Variants in HLF observed in about 807,000 individuals in gnomAD.
The protein encoded by HLF is HLF transcription factor, PAR bZIP family member.
A neutral mutation model predicts 22.6 loss-of-function variants in HLF; 3 were observed. The observed-to-expected ratio is 0.13, with a 90% confidence interval of 0.06 to 0.34. HLF has a LOEUF of 0.34. Among genes scored for constraint, HLF ranks in the 10% least tolerant of loss-of-function variants. The pLI is 1.00. For missense variants in HLF, 299 were observed against 389.2 expected (o/e 0.77, Z 1.95); for synonymous variants, 151 against 151.8 (o/e 0.99, Z 0.04).
intron 2 of HLF, among the ~76,000 whole-genome samples, chr17:55,308,602 C>G (rs1236384827): frequency 1.3e-5 from 2 of 152,292 alleles, no homozygotes; most frequent in African/African-American, 4.8e-5. Flanking sequence ...TTATAACATA[C>G]AGGTGACAGA....
intron 2 of HLF, among the ~76,000 whole-genome samples, chr17:55,307,082 C>T (rs1904609260): frequency 6.6e-6 from 1 of 150,678 alleles, no homozygotes; most frequent in Non-Finnish European, 1.5e-5. Context: ...TTCCTCATCC[C>T]ATTTCCTCCC....
Position 55,324,656 on chromosome 17 carries a change from CCCCA to C in HLF, c.*3779_*3782del. On this transcript the variant is annotated 3_prime_UTR_variant, in exon 4 of 4. Coordinates refer to ENST00000226067, the MANE Select transcript of HLF (RefSeq NM_002126.5). ...GCGATCACCTTCTGCTCCTAGGTAC[CCCCA>C]CTGGCAAGGCCAAGGTCTCCTCCAC... The C allele has an allele frequency of 4.3e-6, 1 of 232,690 alleles. No individual in the cohort carries two copies. Among genetic ancestry groups the C allele is most frequent in the Non-Finnish European group, 8.5e-6 (1 of 117,706 alleles). 14.4% of individuals were successfully genotyped at this position (232,690 alleles called of 1,614,324 possible).
At chr17:55,293,815 A>C (rs2081087911) in intron 2 of HLF, among the ~76,000 whole-genome samples, 1 of 152,154 alleles carries the variant, frequency 6.6e-6, no homozygotes, top group Admixed American at 6.5e-5. Flanking sequence ...AGAATGTCTA[A>C]AATCATCAGA....
intron 2 of HLF, among the ~76,000 whole-genome samples, chr17:55,275,370 A>G (rs576730844): frequency 3.3e-5 from 5 of 152,368 alleles, no homozygotes; most frequent in Non-Finnish European, 7.3e-5. Context: ...TGCTGGGATT[A>G]CAGGTGGAAA....
chr17:55,299,717 A>G (rs181563204), intron 2 of HLF, among the ~76,000 whole-genome samples: 1 of 151,096 alleles, frequency 6.6e-6, no homozygotes, highest in Non-Finnish European at 1.5e-5. Flanking sequence ...TAGGACTACA[A>G]GCACGTGCCA....
In HLF at chr17:55,324,663, G is replaced by A. The variant is rs1905390636; in HGVS notation, c.*3784G>A. ...CCTTCTGCTCCTAGGTACCCCCACT[G>A]GCAAGGCCAAGGTCTCCTCCACGTT... On this transcript the variant is annotated 3_prime_UTR_variant, in exon 4 of 4. Transcript: ENST00000226067. The A allele has an allele frequency of 4.3e-6, 1 of 232,710 alleles. No individual in the cohort carries two copies. The highest frequency in any genetic ancestry group is 8.5e-6 in the Non-Finnish European group (1 of 117,744). 14.4% of individuals were successfully genotyped at this position (232,710 alleles called of 1,614,324 possible).
At chr17:55,276,252 A>G (rs1395801236) in intron 2 of HLF, among the ~76,000 whole-genome samples, 1 of 152,224 alleles carries the variant, frequency 6.6e-6, no homozygotes, top group African/African-American at 2.4e-5. Flanking sequence ...CAAGAGTACA[A>G]TTTGGCTGCT....
chr17:55,273,479 T>C (rs2080876369), intron 2 of HLF: 1 of 152,248 alleles, frequency 6.6e-6, no homozygotes, highest in Non-Finnish European at 1.5e-5. Flanking sequence ...TTCATGCATT[T>C]TTTTTCTTTC....
chr17:55,315,331 A>T lies in HLF; in HGVS notation c.556A>T (p.Ser186Cys), dbSNP rs1905022419. ...AGACCCAGCAGATCTTGCCCTTTCC[A>T]GCATCCCTGGCCAGGAAATGTTTGA... ...EPDPADLALSSIPGQEMFDPR... is the reference protein window; with the variant it reads ...EPDPADLALSCIPGQEMFDPR... The change falls in exon 3 of 4, where the codon AGC (serine) becomes TGC (cysteine). Residue 186 changes from serine to cysteine, a missense_variant. Around this residue, in one of 3 missense-constraint regions of HLF, gnomAD observed 224 missense variants for 298.1 expected, o/e 0.75. Coordinates refer to ENST00000226067, the MANE Select transcript of HLF (RefSeq NM_002126.5). 6.2e-7 allele frequency: 1 copy of T among 1,614,032 alleles called. No individual in the cohort carries two copies. Among genetic ancestry groups the T allele is most frequent in the Non-Finnish European group, 8.5e-7 (1 of 1,180,020 alleles).
intron 2 of HLF, among the ~76,000 whole-genome samples, chr17:55,311,705 T>C (rs1210525693): frequency 6.6e-6 from 1 of 152,172 alleles, no homozygotes; most frequent in Middle Eastern, 3.2e-3. Flanking sequence ...AGTGGGTACA[T>C]GTGCAGGTTT....
chr17:55,271,728 C>T (rs1325780036), intron 2 of HLF: 1 of 152,134 alleles, frequency 6.6e-6, no homozygotes, highest in Non-Finnish European at 1.5e-5. Flanking sequence ...CGGGGTTTCA[C>T]CATGTTGGCC....
At chr17:55,313,102 T>TA (rs1250751454) in intron 2 of HLF, among the ~76,000 whole-genome samples, 2 of 152,148 alleles carry the variant, frequency 1.3e-5, no homozygotes, top group African/African-American at 4.8e-5. Flanking sequence ...ACTCTGCAGG[T>TA]AGGGCTGACC....
intron 2 of HLF, among the ~76,000 whole-genome samples, chr17:55,277,279 G>A (rs533463842): frequency 1.8e-4 from 26 of 146,696 alleles, no homozygotes; most frequent in South Asian, 1.6e-3. Context: ...GTGTGTGCGC[G>A]CGCATGTGTA....
chr17:55,292,683 C>T (rs564418096), intron 2 of HLF, among the ~76,000 whole-genome samples: 4 of 152,182 alleles, frequency 2.6e-5, no homozygotes, highest in South Asian at 2.1e-4. Context: ...AAAGAGATAC[C>T]GGCATTCCAT....
At chr17:55,314,436 G>A (rs192766769) in intron 2 of HLF, among the ~76,000 whole-genome samples, 4 of 152,252 alleles carry the variant, frequency 2.6e-5, no homozygotes, top group African/African-American at 7.2e-5. Context: ...CATGCAATCC[G>A]TTCATCATGC....
At chr17:55,313,351 G>GGTGTGTGTGTGT (rs1248035425) in intron 2 of HLF, among the ~76,000 whole-genome samples, 2 of 132,692 alleles carry the variant, frequency 1.5e-5, no homozygotes, top group African/African-American at 5.5e-5. Context: ...TAGAGGAGGA[G>GGTGTGTGTGTGT]GTGTGTGCGT....
intron 2 of HLF, among the ~76,000 whole-genome samples, chr17:55,268,433 A>G (rs146749119): frequency 6.6e-6 from 1 of 152,334 alleles, no homozygotes; most frequent in East Asian, 1.9e-4. Context: ...ACAGTTAATG[A>G]TTTGGATAAT....
At chr17:55,315,481 A>G (rs769561073) in intron 3 of HLF, 34 bp downstream of exon 3, 2 of 1,493,132 alleles carry the variant, frequency 1.3e-6, no homozygotes, top group Non-Finnish European at 1.9e-6. Context: ...CTTTGGGCAA[A>G]TGGAGAGTGG....
chr17:55,270,978 T>C (rs1217889687), intron 2 of HLF, among the ~76,000 whole-genome samples: 1 of 152,156 alleles, frequency 6.6e-6, no homozygotes, highest in Non-Finnish European at 1.5e-5. Context: ...TATAGGATGC[T>C]TAGCAGCATC....
Sources: allele counts gnomAD v4.1 joint callset (sites outside exome capture counted in the v4.1 genomes callset), GRCh38; gene constraint gnomAD v4.1.1; regional missense constraint gnomAD v4.1.1; transcripts MANE v1.5; gene names NCBI Gene and HGNC (gene_info 2026-07-23, HGNC 2026-07-21).